The following ITGA1 variants were observed in gnomAD, a reference collection of about 807,000 sequenced individuals.
The protein encoded by ITGA1 is integrin alpha-1.
Under a neutral mutation model 145.9 loss-of-function variants are expected in ITGA1, and 85 were observed. The ratio of observed to expected loss-of-function variants is 0.58; its 90% CI spans 0.49 to 0.70. The LOEUF is 0.70. ITGA1 is among the 30% of genes least tolerant of loss of function. The pLI is 0.00. For missense variants in ITGA1, 1,351 were observed against 1,418.7 expected, an observed-to-expected ratio of 0.95 and a Z score of 0.77; for synonymous variants, 520 against 495.3, an observed-to-expected ratio of 1.05 and a Z score of -0.66.
chr5:52,889,590 T>TGGGAGTGA (rs1554045193), intron 8 of ITGA1: 1 of 150,836 alleles, frequency 6.6e-6, no homozygotes, highest in Non-Finnish European at 1.5e-5. Context: ...AGATGTGCAG[T>TGGGAGTGA]GGGGGTGAGC....
rs551939781 is a variant in ITGA1, at chr5:52,812,846, A to G, written c.61+24432A>G. Among the ~76,000 whole-genome samples, 92 of 125,038 alleles carry G rather than the reference A, an allele frequency of 7.4e-4. 1 individual carries two copies. Among genetic ancestry groups the G allele is most frequent in the African/African-American group, 2.7e-3 (85 of 30,934 alleles). The allele number at this position is 125,038 out of a possible 152,430, so 82.0% of individuals were successfully genotyped here. The stretch of plus-strand genomic sequence containing the variant: ...AAATACACCACTTGGGCAACAGATC[A>G]GCCATGGAAATATGATGCAGAAGAT... On this transcript the variant is annotated intron_variant, in intron 1 of 28. Transcript: ENST00000282588.
chr5:52,942,697 A>AT (rs371386724), intron 26 of ITGA1, among the ~76,000 whole-genome samples: 45,335 of 137,646 alleles, frequency 0.33, 7,696 homozygotes, highest in South Asian at 0.4. Context: ...TGCCCGGCTA[A>AT]TTTTTTTTTT....
At chr5:52,827,994 A>G (rs1171367190) in intron 1 of ITGA1, among the ~76,000 whole-genome samples, 1 of 152,144 alleles carries the variant, frequency 6.6e-6, no homozygotes, top group Non-Finnish European at 1.5e-5. Context: ...CCTTTTTCAT[A>G]GCTGAATAAT....
intron 6 of ITGA1, among the ~76,000 whole-genome samples, chr5:52,871,556 G>T (rs1273217237): frequency 6.6e-6 from 1 of 151,516 alleles, no homozygotes; most frequent in Non-Finnish European, 1.5e-5. Context: ...AGCAATAAAA[G>T]GCAGAGTCAA....
rs199926779 is a variant in ITGA1, at chr5:52,932,034, G to A, written c.2772-13G>A. 828 of 1,478,886 alleles carry A rather than the reference G, an allele frequency of 5.6e-4. 10 individuals are homozygous for A. The highest frequency in any genetic ancestry group is 5.2e-4 in the Middle Eastern group (3 of 5,790). The allele number at this position is 1,478,886 out of a possible 1,614,324, so 91.6% of individuals were successfully genotyped here. ...TTTTAATGGTTTGTCTGAATGTGCC[G>A]TGTATTTTCTAGTGACAGCGAAGAA... On this transcript the variant is annotated splice_polypyrimidine_tract_variant and intron_variant, in intron 21 of 28. Transcript: ENST00000282588.
At chr5:52,809,488 G>T (rs1355937083) in intron 1 of ITGA1, among the ~76,000 whole-genome samples, 1 of 149,548 alleles carries the variant, frequency 6.7e-6, no homozygotes, top group Non-Finnish European at 1.5e-5. Context: ...CTCTTTTAAG[G>T]CCTCTCAACT....
intron 14 of ITGA1, among the ~76,000 whole-genome samples, chr5:52,913,279 T>C (rs185463480): frequency 1.3e-5 from 2 of 152,320 alleles, no homozygotes; most frequent in Non-Finnish European, 2.9e-5. Context: ...GGAAATTAGA[T>C]TCTTGATTTT....
At chr5:52,945,713 CCCATGTGGATAACAGCA>C (rs1751125437) in intron 27 of ITGA1, among the ~76,000 whole-genome samples, 1 of 152,176 alleles carries the variant, frequency 6.6e-6, no homozygotes, top group African/African-American at 2.4e-5. Flanking sequence ...CTTTAAATAT[CCCATGTGGATAACAGCA>C]CCATGTGAAT....
intron 28 of ITGA1, among the ~76,000 whole-genome samples, 172 bp downstream of exon 28, chr5:52,947,633 C>A (rs1751155711): frequency 6.6e-6 from 1 of 152,074 alleles, no homozygotes; most frequent in Non-Finnish European, 1.5e-5. Context: ...AAACACTGCA[C>A]ACAACTTGAC....
intron 28 of ITGA1, 49 bp from the exon 29 acceptor site, chr5:52,952,358 A>G: frequency 1.0e-6 from 1 of 1,003,420 alleles, no homozygotes; most frequent in Non-Finnish European, 1.5e-6. Context: ...AATATTTGCT[A>G]CCTAAATTAA....
chr5:52,953,949 T>G lies in ITGA1; in HGVS notation c.*1498T>G, dbSNP rs989528274. The G allele has an allele frequency of 9.3e-6, 1 of 107,796 alleles. No homozygotes were observed. Among genetic ancestry groups the G allele is most frequent in the Non-Finnish European group, 2.2e-5 (1 of 44,792 alleles). 6.7% of individuals were successfully genotyped at this position (107,796 alleles called of 1,614,324 possible). On this transcript the variant is annotated 3_prime_UTR_variant, in exon 29 of 29. Transcript: ENST00000282588. The stretch of plus-strand genomic sequence containing the variant: ...CACATAGAAATTAAATGTTATAAAT[T>G]TATTTTTTTAAACTAATTTCCAAAG...
At chr5:52,930,777 C>T (rs182862274) in intron 21 of ITGA1, among the ~76,000 whole-genome samples, 1 of 152,182 alleles carries the variant, frequency 6.6e-6, no homozygotes, top group Admixed American at 6.5e-5. Flanking sequence ...ATAAAGAATA[C>T]ATAAAGTAGC....
At position 52,865,100 on chromosome 5, in the gene ITGA1, T is replaced by A; in HGVS notation, c.496+18T>A. The A allele has an allele frequency of 2.0e-6, 3 of 1,529,554 alleles. No individual in the cohort carries two copies. The highest frequency in any genetic ancestry group is 9.0e-7 in the Non-Finnish European group (1 of 1,108,962). The allele number at this position is 1,529,554 out of a possible 1,614,324, so 94.7% of individuals were successfully genotyped here. A position where few individuals can be genotyped will look rare whatever the true frequency, so the allele number is the denominator to read the frequency against. On this transcript the variant is annotated intron_variant, in intron 5 of 28. Transcript: ENST00000282588. ...TGTACAAGGTACAGATTTTATGCAA[T>A]GTTCTTGCATGTTTGAAAAGCCTAT...
In ITGA1 at chr5:52,887,881, A is replaced by G; in HGVS notation, c.840A>G (p.Thr280=). 1 of 1,614,126 alleles carries G rather than the reference A, an allele frequency of 6.2e-7. No individual in the cohort carries two copies. The highest frequency in any genetic ancestry group is 8.5e-7 in the Non-Finnish European group (1 of 1,179,926). Residue 280 remains threonine, a synonymous_variant, in exon 8 of 29, where the codon ACA becomes ACG. Coordinates refer to ENST00000282588, the MANE Select transcript of ITGA1 (RefSeq NM_181501.2). ...RGVKKVMVIV[T]DGESHDNHRL... The stretch of plus-strand genomic sequence containing the variant: ...TTAAAAAAGTCATGGTTATTGTGAC[A>G]GATGGAGAGTCTCATGACAATCATC...
At chr5:52,937,358 T>G in intron 23 of ITGA1, 43 bp from the exon 24 acceptor site, 2 of 1,286,978 alleles carry the variant, frequency 1.6e-6, no homozygotes, top group Non-Finnish European at 2.3e-6. Flanking sequence ...AAGAATTCTA[T>G]TAAAAGAGGA....
At chr5:52,879,893 T>C (rs1351140) in intron 6 of ITGA1, among the ~76,000 whole-genome samples, 27,104 of 152,202 alleles carry the variant, frequency 0.18, 3,629 homozygotes, top group African/African-American at 0.35. Context: ...ACATATATTC[T>C]CTAGTTATTT....
At chr5:52,920,587 A>G (rs1750716224) in intron 17 of ITGA1, 119 bp downstream of exon 17, 1 of 809,014 alleles carries the variant, frequency 1.2e-6, no homozygotes. Context: ...TGATGTCATA[A>G]AGGAAATCTT....
At position 52,956,115 on chromosome 5, in the gene ITGA1, G is replaced by A. The variant is rs1254287988; in HGVS notation, c.*3664G>A. ...TGGAGTAAAGCTGGGGTATAGTAGA[G>A]GCTGGGGAATCCCTGCCCATGTTCT... On this transcript the variant is annotated 3_prime_UTR_variant, in exon 29 of 29. Coordinates refer to ENST00000282588, the MANE Select transcript of ITGA1 (RefSeq NM_181501.2). The A allele has an allele frequency of 6.6e-6, 1 of 152,114 alleles. No homozygotes were observed. The highest frequency in any genetic ancestry group is 6.6e-5 in the Admixed American group (1 of 15,262). The allele number at this position is 152,114 out of a possible 1,614,324, so 9.4% of individuals were successfully genotyped here.
At chr5:52,942,755 A>G (rs555455140) in intron 26 of ITGA1, among the ~76,000 whole-genome samples, 65 of 147,072 alleles carry the variant, frequency 4.4e-4, no homozygotes, top group African/African-American at 1.6e-3. Flanking sequence ...GTTAGCCAGG[A>G]TGGTCTCGAT....
Sources: gnomAD v4.1 joint callset for allele counts (sites outside exome capture counted in the v4.1 genomes callset) on GRCh38, gnomAD v4.1.1 for gene constraint, MANE v1.5 for transcripts, NCBI Gene and HGNC (gene_info 2026-07-23, HGNC 2026-07-21) for gene names.